The following KAT6B variants were observed in gnomAD, a reference collection of about 807,000 sequenced individuals.
KAT6B encodes the protein lysine acetyltransferase 6B, also known as histone acetyltransferase KAT6B.
Under a neutral mutation model 187.5 loss-of-function variants are expected in KAT6B, and 10 were observed. That is an observed-to-expected ratio of 0.05 (90% CI 0.03 to 0.09). The LOEUF (loss-of-function observed/expected upper bound fraction) is 0.09, where lower values mean the gene tolerates loss of function less well. KAT6B is among the 10% of genes least tolerant of loss of function. The pLI is 1.00. For synonymous variants in KAT6B, 861 were observed against 926.8 expected, an observed-to-expected ratio of 0.93 and a Z score of 1.29; for missense variants, 1,952 against 2,558.9, an observed-to-expected ratio of 0.76 and a Z score of 5.12.
chr10:74,927,410 G>GAGGT (rs1050688506), intron 3 of KAT6B, among the ~76,000 whole-genome samples: 1 of 151,680 alleles, frequency 6.6e-6, no homozygotes, highest in Non-Finnish European at 1.5e-5. Context: ...GGCCCAGCAG[G>GAGGT]AGGTGCCTCT....
chr10:74,903,183 C>T (rs1265940638), intron 3 of KAT6B, among the ~76,000 whole-genome samples: 1 of 152,168 alleles, frequency 6.6e-6, no homozygotes, highest in Non-Finnish European at 1.5e-5. Context: ...CATTCATTAC[C>T]TTGTCGGATT....
At chr10:74,994,573 A>G (rs1843305029) in intron 13 of KAT6B, among the ~76,000 whole-genome samples, 1 of 152,018 alleles carries the variant, frequency 6.6e-6, no homozygotes, top group Non-Finnish European at 1.5e-5. Context: ...TCTTGAGGCC[A>G]GGAGTTCAAG....
At chr10:74,839,598 A>AT (rs1414626060) in intron 2 of KAT6B, among the ~76,000 whole-genome samples, 1 of 152,124 alleles carries the variant, frequency 6.6e-6, no homozygotes, top group Non-Finnish European at 1.5e-5. Context: ...ACTTGGCAAT[A>AT]TTGGGCACTT....
intron 13 of KAT6B, among the ~76,000 whole-genome samples, chr10:75,006,833 G>A (rs992365141): frequency 3.1e-5 from 3 of 97,586 alleles, no homozygotes; most frequent in African/African-American, 8.5e-5. Context: ...TTGGGAGGCC[G>A]AGGCAGGCGG....
intron 3 of KAT6B, among the ~76,000 whole-genome samples, chr10:74,920,025 T>G (rs1252814463): frequency 6.6e-6 from 1 of 152,234 alleles, no homozygotes; most frequent in African/African-American, 2.4e-5. Context: ...CCTGTGGGTC[T>G]TCTTCTGTAG....
At chr10:74,840,757 A>G (rs1312864159) in intron 2 of KAT6B, among the ~76,000 whole-genome samples, 2 of 152,154 alleles carry the variant, frequency 1.3e-5, no homozygotes, top group African/African-American at 4.8e-5. Context: ...GATCACAGGG[A>G]CAATCTTGTT....
intron 3 of KAT6B, among the ~76,000 whole-genome samples, chr10:74,879,546 CAA>C (rs1217211760): frequency 2.0e-5 from 3 of 152,264 alleles, no homozygotes; most frequent in South Asian, 4.1e-4. Flanking sequence ...TTTTGACTGA[CAA>C]GAGATCTTAG....
At chr10:74,998,607 A>G (rs1458966264) in intron 13 of KAT6B, among the ~76,000 whole-genome samples, 1 of 152,250 alleles carries the variant, frequency 6.6e-6, no homozygotes, top group African/African-American at 2.4e-5. Flanking sequence ...GCACATCCAT[A>G]TAATGGAATA....
intron 13 of KAT6B, among the ~76,000 whole-genome samples, chr10:75,020,284 C>T (rs139098151): frequency 9.2e-5 from 14 of 152,158 alleles, no homozygotes; most frequent in African/African-American, 3.1e-4. Flanking sequence ...TGAGACTTAG[C>T]AGGAGTAATG....
At chr10:74,972,025 T>C (rs1451193342) in intron 6 of KAT6B, among the ~76,000 whole-genome samples, 1 of 152,274 alleles carries the variant, frequency 6.6e-6, no homozygotes, top group East Asian at 1.9e-4. Flanking sequence ...GTTTGAATCA[T>C]TGTAGTTCTG....
At chr10:74,859,386 A>G (rs1298398118) in intron 3 of KAT6B, among the ~76,000 whole-genome samples, 1 of 152,160 alleles carries the variant, frequency 6.6e-6, no homozygotes, top group Non-Finnish European at 1.5e-5. Context: ...TGCCCAGCAT[A>G]TATCTATAAT....
At chr10:75,019,764 CT>C (rs71307707) in intron 13 of KAT6B, among the ~76,000 whole-genome samples, 415 of 129,344 alleles carry the variant, frequency 3.2e-3, no homozygotes, top group Non-Finnish European at 4.1e-3. Flanking sequence ...GGGCTGGTTT[CT>C]TTTTTTTTTT....
Position 74,972,438 on chromosome 10 carries a change from A to T in KAT6B, c.929-69A>T, listed in dbSNP as rs913375838. 2.5e-6 allele frequency: 3 copies of T among 1,197,560 alleles called. No homozygotes were observed. The African/African-American group carries it at 4.7e-5, about 19-fold the overall frequency. The allele number at this position is 1,197,560 out of a possible 1,614,324, so 74.2% of individuals were successfully genotyped here. A position where few individuals can be genotyped will look rare whatever the true frequency, so the allele number is the denominator to read the frequency against. ...TCCTTGAGCAGCTTATTACAGCTAC[A>T]ACTTATATTTAATATCTTCTCTTAA... is the stretch of plus-strand genomic sequence containing the variant. On this transcript the variant is annotated intron_variant, in intron 6 of 17. Transcript: ENST00000287239.
At chr10:74,977,487 A>G (rs1345248356) in intron 9 of KAT6B, 50 bp downstream of exon 9, 1 of 1,599,568 alleles carries the variant, frequency 6.3e-7, no homozygotes, top group Non-Finnish European at 8.6e-7. Flanking sequence ...TGTGGCTTCT[A>G]ACTATTAATA....
intron 9 of KAT6B, among the ~76,000 whole-genome samples, chr10:74,977,784 G>GA (rs1466784252): frequency 2.0e-5 from 3 of 152,160 alleles, no homozygotes; most frequent in African/African-American, 7.2e-5. Context: ...ACAAAAAGAA[G>GA]AACATCACTG....
rs1266713613 is a variant in KAT6B, at chr10:75,029,497, C to G, written c.4673C>G (p.Thr1558Ser). The G allele has an allele frequency of 1.9e-6, 3 of 1,614,168 alleles. No individual in the cohort carries two copies. The highest frequency in any genetic ancestry group is 2.5e-6 in the Non-Finnish European group (3 of 1,180,036). Reference protein sequence around the residue: ...LTQESSEQDDTFQDCAETQEA... With the variant: ...LTQESSEQDDSFQDCAETQEA... ...CAGGAGAGCAGCGAACAGGACGACA[C>G]CTTTCAGGATTGTGCCGAGACTCAA... The change falls in exon 18 of 18, where the codon ACC (threonine) becomes AGC (serine). Residue 1558 changes from threonine to serine, a missense_variant. By Grantham distance (58) the Thr-to-Ser change is moderately conservative (BLOSUM62 1). Transcript: ENST00000287239. The surrounding 1 kb of genome is among the most constrained non-coding windows in gnomAD (Gnocchi z 6.2).
chr10:74,926,341 C>T (rs1848501173), intron 3 of KAT6B, among the ~76,000 whole-genome samples: 1 of 152,164 alleles, frequency 6.6e-6, no homozygotes, highest in Non-Finnish European at 1.5e-5. Context: ...GTAATCCCAG[C>T]TACTTGGGAG....
chr10:75,021,855 C>A, intron 15 of KAT6B, 26 bp from the exon 16 acceptor site: 1 of 1,613,840 alleles, frequency 6.2e-7, no homozygotes, highest in South Asian at 1.1e-5. Flanking sequence ...CTCTCACTGG[C>A]CACCATTTTT....
chr10:74,861,858 C>T (rs1589496177), intron 3 of KAT6B, among the ~76,000 whole-genome samples: 1 of 152,164 alleles, frequency 6.6e-6, no homozygotes, highest in Non-Finnish European at 1.5e-5. Flanking sequence ...AAGTACTCTA[C>T]AAGAAATTAA....
Sources: gnomAD v4.1 joint callset for allele counts (sites outside exome capture counted in the v4.1 genomes callset) on GRCh38, gnomAD v4.1.1 for gene constraint, Gnocchi (gnomAD v3.1) non-coding constraint, MANE v1.5 for transcripts, NCBI Gene and HGNC (gene_info 2026-07-23, HGNC 2026-07-21) for gene names.